The following CACNA2D1 variants were observed in gnomAD, a reference collection of about 807,000 sequenced individuals.
The protein encoded by CACNA2D1 is calcium voltage-gated channel auxiliary subunit alpha2delta 1, also known as voltage-dependent calcium channel subunit alpha-2/delta-1.
In CACNA2D1, 53 loss-of-function variants were observed where a neutral mutation model predicts 171.5. The ratio of observed to expected loss-of-function variants is 0.31; its 90% confidence interval spans 0.25 to 0.39. The LOEUF (loss-of-function observed/expected upper bound fraction) is 0.39. Ranked by LOEUF, CACNA2D1 falls within the 10% of genes least tolerant of loss-of-function variation. CACNA2D1 has a pLI of 1.00. For synonymous variants in CACNA2D1, 442 were observed against 443.1 expected, an observed-to-expected ratio of 1.00 and a Z score of 0.03; for missense variants, 903 against 1,299.8, an observed-to-expected ratio of 0.69 and a Z score of 4.69.
chr7:82,164,284 T>C (rs1210878643), intron 4 of CACNA2D1, among the ~76,000 whole-genome samples: 2 of 152,038 alleles, frequency 1.3e-5, no homozygotes, highest in African/African-American at 4.8e-5. Flanking sequence ...GTTTTCTTAG[T>C]AATGCATTAG....
intron 1 of CACNA2D1, among the ~76,000 whole-genome samples, chr7:82,420,840 A>T (rs974743556): frequency 1.3e-5 from 2 of 152,116 alleles, no homozygotes; most frequent in African/African-American, 4.8e-5. Context: ...GAAAAAAAAA[A>T]AAATAAGGCC....
chr7:82,398,299 TA>T (rs1229114057), intron 1 of CACNA2D1, among the ~76,000 whole-genome samples: 1 of 152,212 alleles, frequency 6.6e-6, no homozygotes, highest in Non-Finnish European at 1.5e-5. Context: ...CTACTCCCTA[TA>T]ATTTAACAGT....
At chr7:82,145,264 A>G (rs534472780) in intron 4 of CACNA2D1, among the ~76,000 whole-genome samples, 3 of 145,848 alleles carry the variant, frequency 2.1e-5, no homozygotes, top group East Asian at 3.9e-4. Context: ...AAATTATATA[A>G]AATATATAAA....
chr7:82,153,859 C>A (rs1015269610), intron 4 of CACNA2D1, among the ~76,000 whole-genome samples: 2 of 151,708 alleles, frequency 1.3e-5, no homozygotes, highest in African/African-American at 4.8e-5. Context: ...AAAAAAACAC[C>A]CATTGAACAG....
chr7:82,296,159 G>A (rs1478370958), intron 3 of CACNA2D1, among the ~76,000 whole-genome samples: 5 of 151,648 alleles, frequency 3.3e-5, no homozygotes, highest in South Asian at 4.2e-4. Flanking sequence ...ACCTAATGCT[G>A]AATGACGAGT....
chr7:82,172,345 A>C (rs1796100611), intron 3 of CACNA2D1, among the ~76,000 whole-genome samples: 1 of 152,128 alleles, frequency 6.6e-6, no homozygotes, highest in Non-Finnish European at 1.5e-5. Context: ...AAACATGAAT[A>C]AAATGGCAAA....
At chr7:82,379,742 CCT>C (rs1403239113) in intron 1 of CACNA2D1, among the ~76,000 whole-genome samples, 3 of 152,080 alleles carry the variant, frequency 2.0e-5, no homozygotes, top group Admixed American at 2.0e-4. Flanking sequence ...TTTGTTTTCA[CCT>C]CTGTTTCTTG....
At chr7:82,049,733 G>C (rs1804981709) in intron 10 of CACNA2D1, among the ~76,000 whole-genome samples, 1 of 152,158 alleles carries the variant, frequency 6.6e-6, no homozygotes, top group Non-Finnish European at 1.5e-5. Flanking sequence ...GGCTCAGACT[G>C]CTTGGCTACA....
intron 3 of CACNA2D1, among the ~76,000 whole-genome samples, chr7:82,225,866 T>C (rs961124521): frequency 1.3e-5 from 2 of 152,226 alleles, no homozygotes; most frequent in African/African-American, 2.4e-5. Flanking sequence ...TCAATGCATA[T>C]TAATCATGTT....
intron 28 of CACNA2D1, 57 bp downstream of exon 28, chr7:81,969,824 A>G: frequency 1.1e-6 from 1 of 906,268 alleles, no homozygotes; most frequent in Non-Finnish European, 1.8e-6. Context: ...AGCAGATAGT[A>G]GCAGTAATTT....
intron 18 of CACNA2D1, among the ~76,000 whole-genome samples, chr7:82,002,042 A>AAAAGAG (rs1345439249): frequency 1.9e-4 from 27 of 140,856 alleles, no homozygotes; most frequent in Non-Finnish European, 4.1e-4. Context: ...AAAAAAAAAA[A>AAAAGAG]AGAGAGAGAG....
intron 3 of CACNA2D1, among the ~76,000 whole-genome samples, chr7:82,292,908 A>G (rs918649855): frequency 6.6e-6 from 1 of 152,170 alleles, no homozygotes; most frequent in African/African-American, 2.4e-5. Flanking sequence ...GTATGCATAT[A>G]TGTATATGTG....
intron 1 of CACNA2D1, among the ~76,000 whole-genome samples, chr7:82,400,743 G>C (rs937630525): frequency 6.6e-6 from 1 of 151,264 alleles, no homozygotes; most frequent in Non-Finnish European, 1.5e-5. Flanking sequence ...CACAGCAAAA[G>C]AAACTACCAT....
chr7:82,361,419 C>T (rs1050153171), intron 1 of CACNA2D1, among the ~76,000 whole-genome samples: 3 of 152,076 alleles, frequency 2.0e-5, no homozygotes, highest in Non-Finnish European at 4.4e-5. Flanking sequence ...ACCATTAGTG[C>T]AAAGTTTATA....
chr7:82,250,929 T>A (rs1289388103), intron 3 of CACNA2D1, among the ~76,000 whole-genome samples: 3 of 152,216 alleles, frequency 2.0e-5, no homozygotes, highest in Admixed American at 6.5e-5. Context: ...GTATCATTTT[T>A]AATAACCTTT....
At chr7:82,222,936 T>G (rs1801950068) in intron 3 of CACNA2D1, among the ~76,000 whole-genome samples, 1 of 151,042 alleles carries the variant, frequency 6.6e-6, no homozygotes, top group Non-Finnish European at 1.5e-5. Context: ...TTGTTTGAGA[T>G]GTAGTTTCAC....
At chr7:82,123,903 G>T (rs1790027286) in intron 5 of CACNA2D1, among the ~76,000 whole-genome samples, 5 of 151,884 alleles carry the variant, frequency 3.3e-5, no homozygotes, top group Admixed American at 3.3e-4. Context: ...ACTTAGTAGA[G>T]AATAAGCATA....
chr7:82,170,158 G>T (rs1462819393), intron 4 of CACNA2D1, among the ~76,000 whole-genome samples: 2 of 151,732 alleles, frequency 1.3e-5, no homozygotes. Context: ...TATGTATACT[G>T]CTTCTTACAA....
chr7:81,955,974 ATATATATTTTTT>A (rs1174375866), intron 38 of CACNA2D1, among the ~76,000 whole-genome samples: 11 of 71,344 alleles, frequency 1.5e-4, no homozygotes, highest in African/African-American at 6.4e-4. Context: ...ATATATATAT[ATATATATTTTTT>A]TTTTTTTTTT....
Sources: gnomAD v4.1 joint callset for allele counts (sites outside exome capture counted in the v4.1 genomes callset) on GRCh38, gnomAD v4.1.1 for gene constraint, MANE v1.5 for transcripts, NCBI Gene and HGNC (gene_info 2026-07-23, HGNC 2026-07-21) for gene names.